CPEB3: variants seen among roughly 807,000 people sequenced by gnomAD.
The protein encoded by CPEB3 is cytoplasmic polyadenylation element binding protein 3, also known as cytoplasmic polyadenylation element-binding protein 3.
CPEB3 carries 20 observed loss-of-function variants against 67.2 expected under a neutral mutation model. That is an observed-to-expected ratio of 0.30 (90% CI 0.21 to 0.43). The LOEUF is 0.43. Among genes scored for constraint, CPEB3 ranks in the 20% least tolerant of loss-of-function variants. CPEB3 has a pLI of 1.00. For synonymous variants in CPEB3, 376 were observed against 393.1 expected (o/e 0.96, Z 0.51); for missense variants, 746 against 968.6 (o/e 0.77, Z 3.05).
At chr10:92,272,685 C>G (rs1853358879) in intron 1 of CPEB3, among the ~76,000 whole-genome samples, 1 of 152,174 alleles carries the variant, frequency 6.6e-6, no homozygotes, top group African/African-American at 2.4e-5. Context: ...CAGGTATAGT[C>G]TCACCCTTGC....
At chr10:92,228,160 T>C (rs952803738) in intron 2 of CPEB3, among the ~76,000 whole-genome samples, 5 of 152,174 alleles carry the variant, frequency 3.3e-5, no homozygotes, top group African/African-American at 9.7e-5. Context: ...AGTGCTGAGA[T>C]TACATGCGTG....
At position 92,081,483 on chromosome 10, in the gene CPEB3, A is replaced by G; in HGVS notation, c.1706T>C (p.Met569Thr). The G allele has an allele frequency of 6.2e-7, 1 of 1,613,824 alleles. No individual in the cohort carries two copies. The highest frequency in any genetic ancestry group is 1.1e-5 in the South Asian group (1 of 91,030). The change falls in exon 9 of 10, where the codon ATG (methionine) becomes ACG (threonine). Residue 569 changes from methionine to threonine, a missense_variant. Transcript: ENST00000265997. ...GCAGACACCACCGTACAAACGGTCCATGATCATTGCCAGTTCAACTGCAAA... is the reference window on the plus strand; with the variant it reads ...GCAGACACCACCGTACAAACGGTCCGTGATCATTGCCAGTTCAACTGCAAA... Reference protein sequence around the residue: ...PLRAVELAMIMDRLYGGVCYA... With the variant: ...PLRAVELAMITDRLYGGVCYA...
intron 3 of CPEB3, among the ~76,000 whole-genome samples, chr10:92,191,810 A>T (rs1848998113): frequency 6.6e-6 from 1 of 152,236 alleles, no homozygotes; most frequent in Admixed American, 6.5e-5. Context: ...AACCCATAAA[A>T]AGAACTATCT....
intron 6 of CPEB3, among the ~76,000 whole-genome samples, chr10:92,112,172 C>T (rs1182078208): frequency 7.0e-6 from 1 of 142,318 alleles, no homozygotes; most frequent in Non-Finnish European, 1.5e-5. Context: ...TGCTCTGTCA[C>T]CCAATCTCAG....
rs957644265 is a variant in CPEB3, at chr10:92,047,851, T to C, written c.*4361A>G. The C allele has an allele frequency of 6.6e-6, 1 of 152,252 alleles. No homozygotes were observed. Among genetic ancestry groups the C allele is most frequent in the African/African-American group, 2.4e-5 (1 of 41,456 alleles). The allele number at this position is 152,252 out of a possible 1,614,324, so 9.4% of individuals were successfully genotyped here. A position where few individuals can be genotyped will look rare whatever the true frequency, so the allele number is the denominator to read the frequency against. On this transcript the variant is annotated 3_prime_UTR_variant, in exon 10 of 10. Coordinates refer to ENST00000265997, the MANE Select transcript of CPEB3 (RefSeq NM_014912.5). ...GCTGAAAGAGGCCATCAACCACTAG[T>C]AGAAACATATCATCTATCTGGATCA...
intron 4 of CPEB3, among the ~76,000 whole-genome samples, chr10:92,156,914 T>C (rs886222299): frequency 1.3e-5 from 2 of 152,180 alleles, no homozygotes; most frequent in East Asian, 3.8e-4. Flanking sequence ...TGGGTAAGCA[T>C]AGGCAGAAAA....
At chr10:92,192,675 A>T (rs1849037684) in intron 2 of CPEB3, 39 bp from the exon 3 acceptor site, 1 of 1,487,220 alleles carries the variant, frequency 6.7e-7, no homozygotes, top group East Asian at 2.4e-5. Flanking sequence ...ACATAAAATT[A>T]CTTCATAAAA....
At chr10:92,264,518 G>A (rs1852954192) in intron 1 of CPEB3, among the ~76,000 whole-genome samples, 4 of 152,054 alleles carry the variant, frequency 2.6e-5, no homozygotes, top group Admixed American at 2.6e-4. Context: ...TCTGCCTTCA[G>A]GTGTTTCTTC....
chr10:92,154,613 G>A (rs1052580437), intron 4 of CPEB3, among the ~76,000 whole-genome samples: 6 of 152,180 alleles, frequency 3.9e-5, no homozygotes, highest in Non-Finnish European at 8.8e-5. Flanking sequence ...CATTAAGGCA[G>A]CATAGATCGT....
chr10:92,150,130 C>T (rs563288336), intron 4 of CPEB3, among the ~76,000 whole-genome samples: 2 of 152,166 alleles, frequency 1.3e-5, no homozygotes, highest in Admixed American at 6.5e-5. Context: ...ATTTACCCAG[C>T]GCAGACCGAC....
chr10:92,109,071 C>A (rs907883604), intron 7 of CPEB3, among the ~76,000 whole-genome samples: 2 of 152,192 alleles, frequency 1.3e-5, no homozygotes, highest in Admixed American at 1.3e-4. Context: ...ACTATTTCAA[C>A]ATGTACTACT....
chr10:92,053,393 C>T (rs1440934390), intron 9 of CPEB3, among the ~76,000 whole-genome samples: 2 of 151,952 alleles, frequency 1.3e-5, no homozygotes, highest in Non-Finnish European at 2.9e-5. Flanking sequence ...GAGATGGAGT[C>T]TCACTCTGTC....
At chr10:92,157,069 C>T (rs969145504) in intron 4 of CPEB3, among the ~76,000 whole-genome samples, 5 of 152,188 alleles carry the variant, frequency 3.3e-5, no homozygotes, top group African/African-American at 1.2e-4. Context: ...AGATTGTGAT[C>T]TTGACTCTGG....
intron 3 of CPEB3, among the ~76,000 whole-genome samples, chr10:92,182,783 G>A (rs994156066): frequency 7.8e-5 from 11 of 141,766 alleles, no homozygotes; most frequent in South Asian, 2.2e-4. Context: ...CCGAGATTGC[G>A]CCACTGTACT....
intron 4 of CPEB3, among the ~76,000 whole-genome samples, chr10:92,167,995 T>G (rs1847824991): frequency 1.3e-5 from 2 of 152,122 alleles, no homozygotes; most frequent in East Asian, 3.8e-4. Flanking sequence ...CAAAAAAGGT[T>G]AAAATATTGT....
At chr10:92,233,837 C>T (rs1352787971) in intron 2 of CPEB3, among the ~76,000 whole-genome samples, 9 of 152,044 alleles carry the variant, frequency 5.9e-5, no homozygotes, top group Non-Finnish European at 1.3e-4. Flanking sequence ...ACGCAGGGTG[C>T]GGTGGCTCAT....
intron 1 of CPEB3, among the ~76,000 whole-genome samples, chr10:92,247,500 C>G (rs899409978): frequency 6.6e-6 from 1 of 152,078 alleles, no homozygotes; most frequent in African/African-American, 2.4e-5. Flanking sequence ...CCAGGTCAAG[C>G]GATTCTCCTG....
intron 1 of CPEB3, among the ~76,000 whole-genome samples, chr10:92,258,647 TA>T: frequency 2.8e-5 from 1 of 35,692 alleles, no homozygotes; most frequent in Non-Finnish European, 1.1e-4. Flanking sequence ...TATATATATA[TA>T]TATATATATA....
At chr10:92,061,419 CAAAAAAAAAAAAA>C (rs148327302) in intron 9 of CPEB3, among the ~76,000 whole-genome samples, 1 of 93,348 alleles carries the variant, frequency 1.1e-5, no homozygotes, top group Admixed American at 1.1e-4. Context: ...AATTCTGTCT[CAAAAAAAAAAAAA>C]AAAAAAAAAA....
Sources: allele counts gnomAD v4.1 joint callset (sites outside exome capture counted in the v4.1 genomes callset), GRCh38; gene constraint gnomAD v4.1.1; transcripts MANE v1.5; gene names NCBI Gene and HGNC (gene_info 2026-07-23, HGNC 2026-07-21).